Variants in CDKAL1 observed in about 807,000 individuals in gnomAD.
CDKAL1 encodes the protein threonylcarbamoyladenosine tRNA methylthiotransferase.
CDKAL1 carries 32 observed loss-of-function variants against 68.2 expected under a neutral mutation model. That is an observed-to-expected ratio of 0.47 (90% CI 0.35 to 0.63). CDKAL1 has a LOEUF of 0.63. CDKAL1 is among the 30% of genes least tolerant of loss of function. CDKAL1 has a pLI of 0.00. For missense variants in CDKAL1, 606 were observed against 696.7 expected, an observed-to-expected ratio of 0.87 and a Z score of 1.47; for synonymous variants, 234 against 244.3, an observed-to-expected ratio of 0.96 and a Z score of 0.39.
At chr6:20,592,489 G>A (rs572554203) in intron 4 of CDKAL1, among the ~76,000 whole-genome samples, 1 of 137,132 alleles carries the variant, frequency 7.3e-6, no homozygotes, top group Admixed American at 7.6e-5. Flanking sequence ...TTTTTTTTGA[G>A]ACAGAGTCTC....
intron 9 of CDKAL1, among the ~76,000 whole-genome samples, chr6:20,863,877 A>G (rs1488049353): frequency 6.6e-6 from 1 of 152,210 alleles, no homozygotes; most frequent in Admixed American, 6.5e-5. Flanking sequence ...TTGTTTTTAC[A>G]TTTATATTTG....
chr6:20,692,132 G>A (rs542991206), intron 5 of CDKAL1, among the ~76,000 whole-genome samples: 1 of 152,264 alleles, frequency 6.6e-6, no homozygotes, highest in African/African-American at 2.4e-5. Context: ...CTACCAATTG[G>A]AGTGTTTTTC....
At chr6:21,113,506 T>C (rs1315068517) in intron 13 of CDKAL1, among the ~76,000 whole-genome samples, 3 of 152,046 alleles carry the variant, frequency 2.0e-5, no homozygotes, top group Middle Eastern at 3.4e-3. Flanking sequence ...TTTTTTGTTT[T>C]TGTTTTTGTT....
intron 7 of CDKAL1, among the ~76,000 whole-genome samples, chr6:20,770,364 T>C (rs1265467725): frequency 6.6e-6 from 1 of 152,236 alleles, no homozygotes; most frequent in Non-Finnish European, 1.5e-5. Context: ...TTGAAAGTTT[T>C]AATGTAAAAC....
intron 8 of CDKAL1, among the ~76,000 whole-genome samples, chr6:20,796,791 A>G (rs1776128182): frequency 6.6e-6 from 1 of 152,246 alleles, no homozygotes; most frequent in African/African-American, 2.4e-5. Context: ...ATATGGAAAA[A>G]GAACAAAACT....
intron 4 of CDKAL1, among the ~76,000 whole-genome samples, chr6:20,577,279 A>T (rs901026679): frequency 1.3e-5 from 2 of 152,228 alleles, no homozygotes; most frequent in Non-Finnish European, 2.9e-5. Flanking sequence ...TATATCACCT[A>T]CTCAGATTTA....
At chr6:20,782,874 T>C (rs1473944179) in intron 8 of CDKAL1, among the ~76,000 whole-genome samples, 1 of 152,182 alleles carries the variant, frequency 6.6e-6, no homozygotes, top group Non-Finnish European at 1.5e-5. Context: ...CCTTGCAAAT[T>C]GGACAATAAT....
chr6:20,837,500 G>A (rs1474610650), intron 8 of CDKAL1, among the ~76,000 whole-genome samples: 1 of 151,944 alleles, frequency 6.6e-6, no homozygotes, highest in Non-Finnish European at 1.5e-5. Context: ...TTTGCTTTTA[G>A]AGTATATTTT....
At chr6:20,998,451 A>C (rs1767240088) in intron 10 of CDKAL1, among the ~76,000 whole-genome samples, 3 of 152,084 alleles carry the variant, frequency 2.0e-5, no homozygotes. Flanking sequence ...ATCTCTACTA[A>C]AACCACAAAA....
At chr6:20,608,278 A>G (rs1039704999) in intron 4 of CDKAL1, among the ~76,000 whole-genome samples, 1 of 152,192 alleles carries the variant, frequency 6.6e-6, no homozygotes, top group Non-Finnish European at 1.5e-5. Context: ...TGTAATTTAT[A>G]TATATATAAA....
intron 9 of CDKAL1, among the ~76,000 whole-genome samples, chr6:20,943,770 A>G (rs1169174486): frequency 6.7e-6 from 1 of 149,764 alleles, no homozygotes; most frequent in Non-Finnish European, 1.5e-5. Context: ...CTGTGTTCCT[A>G]TTGATTGATA....
intron 10 of CDKAL1, among the ~76,000 whole-genome samples, chr6:20,988,690 G>T (rs574849773): frequency 1.3e-5 from 2 of 151,598 alleles, no homozygotes; most frequent in Non-Finnish European, 2.9e-5. Context: ...TCGCTCTGTC[G>T]CCAGGCTGGA....
At chr6:21,071,697 G>C (rs548901779) in intron 12 of CDKAL1, among the ~76,000 whole-genome samples, 1 of 151,388 alleles carries the variant, frequency 6.6e-6, no homozygotes, top group Admixed American at 6.6e-5. Flanking sequence ...AAAACCTGTA[G>C]ATTCTAGGCT....
intron 4 of CDKAL1, among the ~76,000 whole-genome samples, chr6:20,560,666 G>A (rs927776870): frequency 2.0e-5 from 3 of 152,158 alleles, no homozygotes; most frequent in Non-Finnish European, 4.4e-5. Flanking sequence ...ACAGAATGTA[G>A]TAAACTACTG....
At chr6:20,823,842 A>G (rs1170534725) in intron 8 of CDKAL1, among the ~76,000 whole-genome samples, 1 of 152,156 alleles carries the variant, frequency 6.6e-6, no homozygotes, top group Non-Finnish European at 1.5e-5. Context: ...CTAAAAACAG[A>G]ATGCCATAAA....
intron 8 of CDKAL1, among the ~76,000 whole-genome samples, chr6:20,828,003 C>T (rs1460427134): frequency 2.0e-5 from 3 of 152,048 alleles, no homozygotes; most frequent in African/African-American, 7.2e-5. Flanking sequence ...GGTGTGTAGG[C>T]AGCAGATCTC....
chr6:20,948,033 A>T (rs1211326941), intron 9 of CDKAL1, among the ~76,000 whole-genome samples: 39 of 81,790 alleles, frequency 4.8e-4, no homozygotes, highest in African/African-American at 1.5e-3. Flanking sequence ...TTTTTTTTTT[A>T]AAGAAACAAG....
intron 5 of CDKAL1, among the ~76,000 whole-genome samples, chr6:20,652,752 G>A (rs945424857): frequency 6.6e-6 from 1 of 151,836 alleles, no homozygotes; most frequent in Non-Finnish European, 1.5e-5. Context: ...ACATACATTA[G>A]CGTTTATAAA....
At chr6:20,641,182 G>T (rs1009147790) in intron 4 of CDKAL1, among the ~76,000 whole-genome samples, 7 of 152,110 alleles carry the variant, frequency 4.6e-5, no homozygotes, top group African/African-American at 1.7e-4. Context: ...TTTTCTGATG[G>T]ATCACAGCAG....
Sources: allele counts gnomAD v4.1 joint callset (sites outside exome capture counted in the v4.1 genomes callset), GRCh38; gene constraint gnomAD v4.1.1; transcripts MANE v1.5; gene names NCBI Gene and HGNC (gene_info 2026-07-23, HGNC 2026-07-21).